The following SUGP2 variants were observed in gnomAD, a reference collection of about 807,000 sequenced individuals.
The protein encoded by SUGP2 is SURP and G-patch domain-containing protein 2.
SUGP2 carries 24 observed loss-of-function variants against 90.5 expected under a neutral mutation model. That is an observed-to-expected ratio of 0.27 (90% CI 0.19 to 0.37). The LOEUF is 0.37. Ranked by LOEUF, SUGP2 falls within the 10% of genes least tolerant of loss-of-function variation. The probability of loss-of-function intolerance (pLI) is 1.00; values close to 1 mark genes in which losing one functional copy is unlikely to be tolerated. For synonymous variants in SUGP2, 473 were observed against 513.4 expected (o/e 0.92, Z 1.06); for missense variants, 1,233 against 1,363.3 (o/e 0.90, Z 1.51).
At chr19:19,023,827 G>A (rs932407448) in intron 3 of SUGP2, among the ~76,000 whole-genome samples, 24 of 152,066 alleles carry the variant, frequency 1.6e-4, no homozygotes, top group African/African-American at 5.6e-4. Context: ...CTAGGAGGTC[G>A]GGGCTGCAGT....
chr19:19,028,190 G>C (rs980638791), intron 2 of SUGP2, among the ~76,000 whole-genome samples: 4 of 152,194 alleles, frequency 2.6e-5, no homozygotes, highest in African/African-American at 9.7e-5. Context: ...ATAAGGGGAT[G>C]ACCTGGGCAT....
At position 19,024,734 on chromosome 19, in the gene SUGP2, G is replaced by A. The variant is rs750428148; in HGVS notation, c.1614C>T (p.Ser538=). The stretch of plus-strand genomic sequence containing the variant: ...CTTTCTTAACCTGGAGGGGACATCC[G>A]CTGCTGACTAGCCAGGCCTTCAGGT... ...IDHLKAWLVS[S]GCPLQVKKAE... is the part of the protein sequence containing the mutation. The change falls in exon 3 of 11, where the codon AGC becomes AGT. Residue 538 remains serine, a synonymous_variant. Coordinates refer to ENST00000452918, the MANE Select transcript of SUGP2 (RefSeq NM_001017392.5). 3.1e-6 allele frequency: 5 copies of A among 1,614,058 alleles called. No homozygotes were observed. Among genetic ancestry groups the A allele is most frequent in the East Asian group, 2.2e-5 (1 of 44,898 alleles).
chr19:19,031,045 C>T lies in SUGP2; in HGVS notation c.27G>A (p.Glu9=). Residue 9 remains glutamate, a synonymous_variant, in exon 2 of 11, where the codon GAG becomes GAA. Transcript: ENST00000452918. ...TTTCTTGTAATACAGCATCAAAAGT[C>T]TCCTGTGTAATTCGTCTGGCTGCCA... MAARRITQ[E]TFDAVLQEKA... 1 of 1,613,706 alleles carries T rather than the reference C, an allele frequency of 6.2e-7. No homozygotes were observed. The highest frequency in any genetic ancestry group is 8.5e-7 in the Non-Finnish European group (1 of 1,179,950).
intron 1 of SUGP2, among the ~76,000 whole-genome samples, chr19:19,031,824 CTTT>C (rs374873309): frequency 7.2e-6 from 1 of 138,072 alleles, no homozygotes; most frequent in Non-Finnish European, 1.5e-5. Flanking sequence ...TTTTATTTAT[CTTT>C]TTTTTTTTTT....
At chr19:18,999,763 T>A (rs1198865797) in intron 8 of SUGP2, among the ~76,000 whole-genome samples, 2 of 152,128 alleles carry the variant, frequency 1.3e-5, no homozygotes, top group Non-Finnish European at 2.9e-5. Flanking sequence ...ACTGGTGAAG[T>A]CTCTCCACAT....
At chr19:18,997,782 C>CAAAAAAA (rs35875282) in intron 8 of SUGP2, among the ~76,000 whole-genome samples, 2 of 88,266 alleles carry the variant, frequency 2.3e-5, no homozygotes, top group Non-Finnish European at 4.5e-5. Flanking sequence ...GACTCCGTCT[C>CAAAAAAA]AAAAAAAAAA....
At position 19,025,415 on chromosome 19, in the gene SUGP2, T is replaced by C. The variant is rs1190968941; in HGVS notation, c.933A>G (p.Arg311=). The change falls in exon 3 of 11, where the codon AGA becomes AGG. Residue 311 remains arginine, a synonymous_variant. Transcript: ENST00000452918. ...CTATGATGTCAAAGCTCATCTTTCT[T>C]CTGGGGAGCCGAAGATTCTTCAGAT... ...GLDLKNLRLP[R]RKMSFDIIDK... 6.2e-7 allele frequency: 1 copy of C among 1,614,184 alleles called. No homozygotes were observed. Among genetic ancestry groups the C allele is most frequent in the South Asian group, 1.1e-5 (1 of 91,074 alleles).
rs1490837197 is a variant in SUGP2 at position 19,009,844 on chromosome 19, T to G, written c.2338+11A>C. 1.9e-6 allele frequency: 3 copies of G among 1,593,692 alleles called. No individual in the cohort carries two copies. The stretch of plus-strand genomic sequence containing the variant: ...GGGGCCCAGAGGAGGGGGACAGGAG[T>G]GAGCACCCACTGTCAGCAGATGGGC... On this transcript the variant is annotated intron_variant, in intron 5 of 10. Transcript: ENST00000452918.
intron 3 of SUGP2, among the ~76,000 whole-genome samples, chr19:19,024,223 A>G (rs8112565): frequency 0.75 from 113,322 of 151,700 alleles, 42,425 homozygotes; most frequent in East Asian, 0.89. Flanking sequence ...GGATTCTCCT[A>G]ACTCAGCCTC....
chr19:19,001,774 G>C, intron 7 of SUGP2, 100 bp from the exon 8 acceptor site: 1 of 1,213,524 alleles, frequency 8.2e-7, no homozygotes, highest in Non-Finnish European at 1.2e-6. Flanking sequence ...ACAGTTCTCT[G>C]ATGACAGAAG....
chr19:19,023,850 T>C (rs1329975180), intron 3 of SUGP2, among the ~76,000 whole-genome samples: 2 of 151,930 alleles, frequency 1.3e-5, no homozygotes, highest in East Asian at 3.9e-4. Context: ...GCCATGGTCA[T>C]GCCACTGCAC....
At chr19:19,033,374 G>A (rs2059269001) in intron 1 of SUGP2, 63 bp downstream of exon 1, 49 of 1,211,378 alleles carry the variant, frequency 4.0e-5, no homozygotes, top group Non-Finnish European at 4.8e-5. Context: ...GGGCCCCCAA[G>A]GCCGAGCCCG....
intron 9 of SUGP2, 43 bp downstream of exon 9, chr19:18,995,101 C>A: frequency 1.3e-6 from 2 of 1,599,370 alleles, no homozygotes; most frequent in Non-Finnish European, 8.5e-7. Context: ...GGTGGAAGGA[C>A]TGAGGCCCCA....
chr19:18,998,772 G>A (rs950568580), intron 8 of SUGP2, among the ~76,000 whole-genome samples: 4 of 152,144 alleles, frequency 2.6e-5, no homozygotes, highest in Admixed American at 6.5e-5. Context: ...AGGTATGAAG[G>A]GAGGAGCTAT....
At chr19:19,008,186 C>T (rs529090091) in intron 6 of SUGP2, 131 bp downstream of exon 6, 3 of 783,626 alleles carry the variant, frequency 3.8e-6, no homozygotes, top group South Asian at 3.0e-5. Flanking sequence ...CACCTGTGGT[C>T]CCAGCTACTC....
intron 3 of SUGP2, among the ~76,000 whole-genome samples, chr19:19,020,017 A>C (rs903481839): frequency 8.0e-6 from 1 of 124,588 alleles, no homozygotes. Context: ...AAAAAAAATT[A>C]GCCAGGCATG....
At position 19,033,499 on chromosome 19, in the gene SUGP2, C is replaced by T; in HGVS notation, c.-74G>A. ...CCTCAGGCTCCTCACCCGCCGCCGC[C>T]GCCGCGCGAGGCGGGGACATGCAAA... is the stretch of plus-strand genomic sequence containing the variant. On this transcript the variant is annotated 5_prime_UTR_variant, in exon 1 of 11. Coordinates refer to ENST00000452918, the MANE Select transcript of SUGP2 (RefSeq NM_001017392.5). The T allele has an allele frequency of 1.4e-6, 2 of 1,408,210 alleles. No individual in the cohort carries two copies. Among genetic ancestry groups the T allele is most frequent in the Non-Finnish European group, 1.9e-6 (2 of 1,080,246 alleles). The allele number at this position is 1,408,210 out of a possible 1,614,324, so 87.2% of individuals were successfully genotyped here.
chr19:18,995,960 G>A (rs1246704743), intron 8 of SUGP2, among the ~76,000 whole-genome samples: 2 of 151,992 alleles, frequency 1.3e-5, no homozygotes, highest in Admixed American at 1.3e-4. Context: ...AGGGCCCTGG[G>A]GCCTCTGGAG....
rs1235802980 is a variant in SUGP2, at chr19:18,995,175, G to A, written c.3097C>T (p.Leu1033Phe). 4.3e-6 allele frequency: 7 copies of A among 1,613,120 alleles called. No individual in the cohort carries two copies. Among genetic ancestry groups the A allele is most frequent in the Non-Finnish European group, 5.9e-6 (7 of 1,180,000 alleles). The change falls in exon 9 of 11, where the codon CTC (leucine) becomes TTC (phenylalanine). Residue 1033 changes from leucine (L) to phenylalanine (F), a missense_variant. Leu to Phe is a conservative substitution (Grantham distance 22, BLOSUM62 0). This residue lies in a region of SUGP2 where 105 missense variants were observed against 155.2 expected (regional missense o/e 0.68). Transcript: ENST00000452918. ...GWKEGHGLGSLGKGIREPVSV... is the reference protein window; with the variant it reads ...GWKEGHGLGSFGKGIREPVSV... ...ACCGGCTCCCTGATGCCCTTTCCGA[G>A]GGAGCCCAGGCCATGGCCCTCCTTC... is the stretch of plus-strand genomic sequence containing the variant.
Sources: gnomAD v4.1 joint callset for allele counts (sites outside exome capture counted in the v4.1 genomes callset) on GRCh38, gnomAD v4.1.1 for gene constraint, gnomAD v4.1.1 regional missense constraint, MANE v1.5 for transcripts, NCBI Gene and HGNC (gene_info 2026-07-23, HGNC 2026-07-21) for gene names.